The following C1orf53 variants were observed in gnomAD, a reference collection of about 807,000 sequenced individuals.
C1orf53 encodes uncharacterized protein C1orf53.
Under a neutral mutation model 17.5 loss-of-function variants are expected in C1orf53, and 23 were observed. The observed-to-expected ratio is 1.31, with a 90% CI of 0.94 to 1.86. The LOEUF (loss-of-function observed/expected upper bound fraction) is 1.86. C1orf53 is among the 40% of genes most tolerant of loss of function. The pLI is 0.00. For missense variants in C1orf53, 255 were observed against 193.2 expected, an observed-to-expected ratio of 1.32 and a Z score of -1.89; for synonymous variants, 108 against 81.9, an observed-to-expected ratio of 1.32 and a Z score of -1.72.
Position 197,907,130 on chromosome 1 carries a change from T to G in C1orf53, c.367-19T>G. The G allele has an allele frequency of 7.0e-7, 1 of 1,426,274 alleles. No homozygotes were observed. The highest frequency in any genetic ancestry group is 9.7e-7 in the Non-Finnish European group (1 of 1,029,330). 88.4% of individuals were successfully genotyped at this position (1,426,274 alleles called of 1,614,324 possible). A position where few individuals can be genotyped will look rare whatever the true frequency, so the allele number is the denominator to read the frequency against. ...ATTGTTAAATAATTTAATAATAATT[T>G]GTTTTATTTCTTCTGCAGTGTCCAT... On this transcript the variant is annotated intron_variant, in intron 2 of 2. Transcript: ENST00000367393.
intron 2 of C1orf53, among the ~76,000 whole-genome samples, chr1:197,906,773 C>A (rs1436665234): frequency 6.6e-6 from 1 of 152,214 alleles, no homozygotes; most frequent in Non-Finnish European, 1.5e-5. Flanking sequence ...AGAATAGACA[C>A]TAAATGCATG....
At chr1:197,904,146 A>G (rs1659484222) in intron 1 of C1orf53, among the ~76,000 whole-genome samples, 1 of 152,160 alleles carries the variant, frequency 6.6e-6, no homozygotes, top group African/African-American at 2.4e-5. Flanking sequence ...TTCTTTTTCG[A>G]CAAATCTGAG....
Position 197,902,764 on chromosome 1 carries a change from T to C in C1orf53, c.115T>C (p.Leu39=), listed in dbSNP as rs776433863. 2 of 1,577,388 alleles carry C rather than the reference T, an allele frequency of 1.3e-6. No individual in the cohort carries two copies. The highest frequency in any genetic ancestry group is 1.1e-5 in the South Asian group (1 of 87,046). The change falls in exon 1 of 3, where the codon TTA becomes CTA. Residue 39 remains leucine, a synonymous_variant. Transcript: ENST00000367393. The stretch of plus-strand genomic sequence containing the variant: ...AGCTGGGTTCCGACAGCAGCTCAGC[T>C]TAACCCTCTGCCCTGCTAACGAGGG... ...VRAGFRQQLS[L]TLCPANEGNC... is the part of the protein sequence containing the mutation.
At chr1:197,907,029 T>A in intron 2 of C1orf53, 120 bp from the exon 3 acceptor site, 1 of 602,202 alleles carries the variant, frequency 1.7e-6, no homozygotes, top group Non-Finnish European at 2.8e-6. Flanking sequence ...CTGCAGGACC[T>A]GATAGTTCAA....
chr1:197,902,753 A>C lies in C1orf53; in HGVS notation c.104A>C (p.Gln35Pro). Residue 35 changes from glutamine (Q) to proline (P), a missense_variant, in exon 1 of 3, where the codon CAG (glutamine) becomes CCG (proline). Transcript: ENST00000367393. Reference sequence around the variant, plus strand: ...CTCTGGGTAAGAGCTGGGTTCCGACAGCAGCTCAGCTTAACCCTCTGCCCT... The same window carrying C: ...CTCTGGGTAAGAGCTGGGTTCCGACCGCAGCTCAGCTTAACCCTCTGCCCT... ...APLWVRAGFR[Q>P]QLSLTLCPAN... 1 of 1,573,770 alleles carries C rather than the reference A, an allele frequency of 6.4e-7. No homozygotes were observed. Among genetic ancestry groups the C allele is most frequent in the African/African-American group, 1.4e-5 (1 of 72,142 alleles).
intron 1 of C1orf53, 155 bp from the exon 2 acceptor site, chr1:197,905,641 G>A (rs1659511824): frequency 5.0e-6 from 3 of 599,492 alleles, no homozygotes. Flanking sequence ...ATGCTGGAGT[G>A]CATTTGGTCT....
intron 1 of C1orf53, chr1:197,905,415 A>G: frequency 6.4e-6 from 1 of 156,724 alleles, no homozygotes; most frequent in Non-Finnish European, 1.4e-5. Context: ...TTCCAACTGC[A>G]ACTTCTGAGT....
Position 197,907,219 on chromosome 1 carries a change from G to T in C1orf53, c.437G>T (p.Ter146LeuextTer17). 1 of 1,547,044 alleles carries T rather than the reference G, an allele frequency of 6.5e-7. No individual in the cohort carries two copies. The highest frequency in any genetic ancestry group is 1.2e-5 in the South Asian group (1 of 85,856). Residue 146 changes from the stop codon to leucine (L), a stop_lost, in exon 3 of 3, where the codon TGA (stop) becomes TTA (leucine). Coordinates refer to ENST00000367393, the MANE Select transcript of C1orf53 (RefSeq NM_001024594.3). ...KKQFNSYFYV[*>L] ...CAATTCAATTCATATTTTTATGTTTGACAAGAATTTCATCTCTGTTCCCTA... is the reference window on the plus strand; with the variant it reads ...CAATTCAATTCATATTTTTATGTTTTACAAGAATTTCATCTCTGTTCCCTA...
intron 1 of C1orf53, 147 bp downstream of exon 1, chr1:197,903,060 C>A (rs1659466325): frequency 1.5e-6 from 1 of 688,636 alleles, no homozygotes; most frequent in Non-Finnish European, 2.1e-6. Context: ...GGGCGACATT[C>A]GCGCACGCAC....
chr1:197,905,255 A>AT (rs1376590880), intron 1 of C1orf53, among the ~76,000 whole-genome samples: 2 of 152,168 alleles, frequency 1.3e-5, no homozygotes, highest in Non-Finnish European at 2.9e-5. Flanking sequence ...AAAAAAAAAA[A>AT]TAGTATAAAA....
chr1:197,905,513 T>A (rs1659508600), intron 1 of C1orf53: 1 of 221,646 alleles, frequency 4.5e-6, no homozygotes. Flanking sequence ...ATGAAAAATA[T>A]CAGAGCAGTG....
In C1orf53 at chr1:197,907,185, A is replaced by T. The variant is rs1416794365; in HGVS notation, c.403A>T (p.Lys135Ter). Residue 135 changes from lysine (K) to a stop codon, truncating the protein, a stop_gained, in exon 3 of 3, where the codon AAA becomes TAA. Coordinates refer to ENST00000367393, the MANE Select transcript of C1orf53 (RefSeq NM_001024594.3). LOFTEE classifies it high-confidence loss of function. ...YGQVNVKDPSKKKQFNSYFYV is the reference protein window; with the variant it reads ...YGQVNVKDPS ...TCAAGTCAATGTTAAAGATCCATCT[A>T]AAAAGAAGCAATTCAATTCATATTT... The T allele has an allele frequency of 6.3e-7, 1 of 1,583,768 alleles. No homozygotes were observed. The highest frequency in any genetic ancestry group is 1.7e-5 in the Admixed American group (1 of 58,574).
chr1:197,904,740 C>A (rs895541470), intron 1 of C1orf53, among the ~76,000 whole-genome samples: 2 of 152,156 alleles, frequency 1.3e-5, no homozygotes, highest in Non-Finnish European at 2.9e-5. Context: ...GGCTAGATTT[C>A]AACTGTACCC....
chr1:197,902,669 G>A lies in C1orf53; in HGVS notation c.20G>A (p.Trp7Ter), dbSNP rs1194097227. Residue 7 changes from tryptophan to a stop codon, truncating the protein, a stop_gained, in exon 1 of 3, where the codon TGG becomes TAG. Coordinates refer to ENST00000367393, the MANE Select transcript of C1orf53 (RefSeq NM_001024594.3). LOFTEE classifies it high-confidence loss of function. ...GGCGGCATGGCGGCCAGGCAGATCT[G>A]GGCACGGACGGGTGCCGCGCTCTGC... The part of the protein sequence containing the change: MAARQI[W>*]ARTGAALCRQ... The A allele has an allele frequency of 3.4e-6, 5 of 1,488,890 alleles. No individual in the cohort carries two copies. The East Asian group carries it at 1.5e-4, about 43-fold the overall frequency. 92.2% of individuals were successfully genotyped at this position (1,488,890 alleles called of 1,614,324 possible).
intron 1 of C1orf53, 190 bp from the exon 2 acceptor site, chr1:197,905,606 G>A (rs1659511384): frequency 1.1e-5 from 6 of 531,688 alleles, no homozygotes; most frequent in Admixed American, 1.1e-4. Context: ...TTCTCCTTAT[G>A]TCACATAAAG....
At chr1:197,907,042 G>A in intron 2 of C1orf53, 107 bp from the exon 3 acceptor site, 1 of 654,480 alleles carries the variant, frequency 1.5e-6, no homozygotes. Flanking sequence ...TAGTTCAAAT[G>A]ATCTATATAA....
intron 2 of C1orf53, 111 bp downstream of exon 2, chr1:197,906,008 A>T: frequency 1.3e-6 from 1 of 797,046 alleles, no homozygotes; most frequent in Admixed American, 2.1e-5. Context: ...ACCTGGAGTG[A>T]ACTTTTCACA....
rs756441463 is a variant in C1orf53 at position 197,902,816 on chromosome 1, C to T, written c.167C>T (p.Thr56Met). Residue 56 changes from threonine to methionine, a missense_variant, in exon 1 of 3, where the codon ACG (threonine) becomes ATG (methionine). Coordinates refer to ENST00000367393, the MANE Select transcript of C1orf53 (RefSeq NM_001024594.3). ...AACTGCGGCGGCTCCGCGCCCAGCACGCCCGGTAGGCCGGAGAGAGCGGCG... is the reference window on the plus strand; with the variant it reads ...AACTGCGGCGGCTCCGCGCCCAGCATGCCCGGTAGGCCGGAGAGAGCGGCG... ...EGNCGGSAPS[T>M]PGRPERAARP... is the part of the protein sequence containing the mutation. 15 of 1,574,444 alleles carry T rather than the reference C, an allele frequency of 9.5e-6. No individual in the cohort carries two copies. Among genetic ancestry groups the T allele is most frequent in the Non-Finnish European group, 1.3e-5 (15 of 1,167,742 alleles).
intron 1 of C1orf53, chr1:197,905,577 T>G (rs925676120): frequency 4.9e-5 from 23 of 468,104 alleles, no homozygotes; most frequent in Admixed American, 4.0e-5. Flanking sequence ...AACTTCTCAT[T>G]TTTCTCAAAC....
Sources: gnomAD v4.1 joint callset for allele counts (sites outside exome capture counted in the v4.1 genomes callset) on GRCh38, gnomAD v4.1.1 for gene constraint, MANE v1.5 for transcripts, NCBI Gene and HGNC (gene_info 2026-07-23, HGNC 2026-07-21) for gene names.